Variants in PLEKHG1 observed in about 807,000 individuals in gnomAD.
The protein encoded by PLEKHG1 is pleckstrin homology domain-containing family G member 1.
PLEKHG1 carries 44 observed loss-of-function variants against 100.8 expected under a neutral mutation model. The ratio of observed to expected loss-of-function variants is 0.44; its 90% CI spans 0.34 to 0.56. The LOEUF (loss-of-function observed/expected upper bound fraction) is 0.56. Among genes scored for constraint, PLEKHG1 ranks in the 20% least tolerant of loss-of-function variants. The pLI is 0.01. For synonymous variants in PLEKHG1, 640 were observed against 662.5 expected (o/e 0.97, Z 0.52); for missense variants, 1,545 against 1,720.9 (o/e 0.90, Z 1.81).
intron 2 of PLEKHG1, 55 bp downstream of exon 3, chr6:150,734,147 A>G (rs764193717): frequency 3.0e-5 from 46 of 1,539,474 alleles, no homozygotes; most frequent in Middle Eastern, 1.9e-4. Context: ...TGCTTGCAAA[A>G]GAAATGACAA....
At chr6:150,644,334 G>GTTTTGTTTTTTTTTTTTTTT (rs1554255839) in intron 2 of PLEKHG1, among the ~76,000 whole-genome samples, 2 of 117,622 alleles carry the variant, frequency 1.7e-5, no homozygotes, top group African/African-American at 7.0e-5. Context: ...TTCTTTTCGT[G>GTTTTGTTTTTTTTTTTTTTT]TTTTTTTTTT....
At chr6:150,714,611 A>G (rs915703445) in intron 3 of PLEKHG1, among the ~76,000 whole-genome samples, 5 of 152,200 alleles carry the variant, frequency 3.3e-5, no homozygotes. Flanking sequence ...CCATGCCTCA[A>G]TACTGACATT....
intron 2 of PLEKHG1, among the ~76,000 whole-genome samples, chr6:150,639,625 G>A (rs190806727): frequency 3.9e-5 from 6 of 151,986 alleles, no homozygotes; most frequent in East Asian, 1.9e-4. Flanking sequence ...AGTGGGAACC[G>A]ATGACCAAGA....
chr6:150,643,637 A>G (rs1778363451), intron 2 of PLEKHG1, among the ~76,000 whole-genome samples: 1 of 152,154 alleles, frequency 6.6e-6, no homozygotes, highest in Non-Finnish European at 1.5e-5. Context: ...TGGATTAAAA[A>G]CTGCTTGATG....
At chr6:150,623,440 T>A (rs1335040562) in intron 1 of PLEKHG1, among the ~76,000 whole-genome samples, 2 of 152,160 alleles carry the variant, frequency 1.3e-5, no homozygotes, top group Non-Finnish European at 2.9e-5. Flanking sequence ...GCCTTTTATG[T>A]GTCAGGCGGC....
At chr6:150,787,008 T>C (rs2014697) in intron 4 of PLEKHG1, among the ~76,000 whole-genome samples, 98,092 of 142,668 alleles carry the variant, frequency 0.69, 34,089 homozygotes, top group East Asian at 0.91. Flanking sequence ...CCAGCCTGGG[T>C]GACAAGAGTG....
At chr6:150,743,754 CT>C (rs1006183354) in intron 2 of PLEKHG1, among the ~76,000 whole-genome samples, 11 of 152,156 alleles carry the variant, frequency 7.2e-5, no homozygotes, top group Non-Finnish European at 1.0e-4. Context: ...CCACCCCCTC[CT>C]TTTTTTTCTA....
intron 3 of PLEKHG1, among the ~76,000 whole-genome samples, chr6:150,716,039 C>A (rs376228476): frequency 1.4e-5 from 2 of 147,076 alleles, no homozygotes; most frequent in African/African-American, 5.0e-5. Flanking sequence ...ACCCGGGAGG[C>A]GGAGCTTGCA....
At chr6:150,610,267 A>T (rs1776767956) in intron 1 of PLEKHG1, among the ~76,000 whole-genome samples, 1 of 152,030 alleles carries the variant, frequency 6.6e-6, no homozygotes, top group Admixed American at 6.6e-5. Flanking sequence ...ATGCTTGGCT[A>T]ATTTTTGTAT....
At chr6:150,805,432 T>C (rs1787013134) in intron 7 of PLEKHG1, among the ~76,000 whole-genome samples, 1 of 152,108 alleles carries the variant, frequency 6.6e-6, no homozygotes, top group South Asian at 2.1e-4. Context: ...GGTGCGTGGG[T>C]GGTCTTAGGC....
chr6:150,712,464 A>C (rs549002868), intron 3 of PLEKHG1, among the ~76,000 whole-genome samples: 1 of 152,344 alleles, frequency 6.6e-6, no homozygotes, highest in Non-Finnish European at 1.5e-5. Context: ...AAATGTAGAG[A>C]TCAAACCACC....
chr6:150,631,602 G>A (rs1777751295), intron 1 of PLEKHG1, among the ~76,000 whole-genome samples: 2 of 152,216 alleles, frequency 1.3e-5, no homozygotes, highest in Admixed American at 1.3e-4. Flanking sequence ...TTACCTGTAG[G>A]AAAACTTGCA....
chr6:150,664,819 C>T (rs1362632964), intron 3 of PLEKHG1, among the ~76,000 whole-genome samples: 2 of 152,160 alleles, frequency 1.3e-5, no homozygotes, highest in Non-Finnish European at 2.9e-5. Context: ...ATACCACATT[C>T]ATCGCAGAAT....
chr6:150,603,039 G>C (rs1008220641), intron 1 of PLEKHG1, among the ~76,000 whole-genome samples: 1 of 123,566 alleles, frequency 8.1e-6, no homozygotes, highest in African/African-American at 3.0e-5. Flanking sequence ...CCGAGATCGC[G>C]CCACTGCACT....
In PLEKHG1 at chr6:150,683,766, G is replaced by T; in HGVS notation, c.-99+32980G>T. 1 of 1,286,836 alleles carries T rather than the reference G, an allele frequency of 7.8e-7. No individual in the cohort carries two copies. The highest frequency in any genetic ancestry group is 1.0e-6 in the Non-Finnish European group (1 of 987,874). The allele number at this position is 1,286,836 out of a possible 1,614,324, so 79.7% of individuals were successfully genotyped here. A position where few individuals can be genotyped will look rare whatever the true frequency, so the allele number is the denominator to read the frequency against. The stretch of plus-strand genomic sequence containing the variant: ...GCATAGGACGTCTGAAGGAAAGATG[G>T]AGCCATTCTTGGTGGGGCGGAAGAG... On this transcript the variant is annotated intron_variant, in intron 3 of 3. Coordinates refer to the PLEKHG1 transcript ENST00000367326. The surrounding 1 kb of genome is among the most constrained non-coding windows in gnomAD (Gnocchi z 4.0).
chr6:150,821,424 C>G (rs905051489), intron 13 of PLEKHG1, among the ~76,000 whole-genome samples, 191 bp downstream of exon 14: 26 of 152,214 alleles, frequency 1.7e-4, no homozygotes, highest in Non-Finnish European at 3.2e-4. Context: ...TAGCTCACGC[C>G]TGTAATCCCA....
At chr6:150,795,732 A>AG in intron 4 of PLEKHG1, 124 bp from the exon 6 acceptor site, 1 of 405,702 alleles carries the variant, frequency 2.5e-6, no homozygotes, top group East Asian at 4.1e-5. Flanking sequence ...AAAAAAAAAA[A>AG]CAAAAAACAT....
At chr6:150,706,285 G>A (rs1780999529) in intron 3 of PLEKHG1, among the ~76,000 whole-genome samples, 1 of 152,128 alleles carries the variant, frequency 6.6e-6, no homozygotes, top group Non-Finnish European at 1.5e-5. Context: ...GGGGGCTGTG[G>A]TTTGTCTTGA....
chr6:150,655,114 A>G (rs1360409665), intron 3 of PLEKHG1, among the ~76,000 whole-genome samples: 1 of 152,236 alleles, frequency 6.6e-6, no homozygotes, highest in East Asian at 1.9e-4. Context: ...AACTCTACCT[A>G]AGTATTGAAC....
Sources: gnomAD v4.1 joint callset for allele counts (sites outside exome capture counted in the v4.1 genomes callset) on GRCh38, gnomAD v4.1.1 for gene constraint, Gnocchi (gnomAD v3.1) non-coding constraint, MANE v1.5 for transcripts, NCBI Gene and HGNC (gene_info 2026-07-23, HGNC 2026-07-21) for gene names.